VAV3: variants seen among roughly 807,000 people sequenced by gnomAD.
VAV3 encodes the protein vav guanine nucleotide exchange factor 3.
In VAV3, 94 loss-of-function variants were observed where a neutral mutation model predicts 131.2. The observed-to-expected ratio is 0.72, with a 90% CI of 0.61 to 0.85. The LOEUF (loss-of-function observed/expected upper bound fraction) is 0.85. VAV3 is among the 40% of genes least tolerant of loss of function. The pLI, the probability that VAV3 is intolerant of heterozygous loss-of-function variation, is 0.00. For missense variants in VAV3, 939 were observed against 1,002.7 expected, an observed-to-expected ratio of 0.94 and a Z score of 0.86; for synonymous variants, 349 against 342.0, an observed-to-expected ratio of 1.02 and a Z score of -0.22.
At chr1:107,765,276 G>A in intron 8 of VAV3, 101 bp from the exon 9 acceptor site, 1 of 861,290 alleles carries the variant, frequency 1.2e-6, no homozygotes. Flanking sequence ...CATTGTTAGG[G>A]ATAACCAAAA....
At chr1:107,846,168 T>C (rs1429137288) in intron 2 of VAV3, among the ~76,000 whole-genome samples, 1 of 152,182 alleles carries the variant, frequency 6.6e-6, no homozygotes, top group Non-Finnish European at 1.5e-5. Context: ...GAAAAGAATT[T>C]TCAACCAGAA....
In VAV3 at chr1:107,777,287, T is replaced by G; in HGVS notation, c.390A>C (p.Pro130=). The change falls in exon 4 of 27, where the codon CCA becomes CCC. Residue 130 remains proline (P), a synonymous_variant. Coordinates refer to ENST00000370056, the MANE Select transcript of VAV3 (RefSeq NM_006113.5). ...IALATGIRPF[P]TEESINDEDI... is the part of the protein sequence containing the mutation. Reference sequence around the variant, plus strand: ...CTTCATCATTAATGCTTTCTTCTGTTGGGAAGGGCCTAGGAAGAGGAGAAA... The same window carrying G: ...CTTCATCATTAATGCTTTCTTCTGTGGGGAAGGGCCTAGGAAGAGGAGAAA... The G allele has an allele frequency of 6.2e-7, 1 of 1,613,948 alleles. No homozygotes were observed. Among genetic ancestry groups the G allele is most frequent in the Non-Finnish European group, 8.5e-7 (1 of 1,179,970 alleles).
intron 2 of VAV3, among the ~76,000 whole-genome samples, chr1:107,843,228 C>T (rs894525135): frequency 6.6e-6 from 1 of 151,930 alleles, no homozygotes; most frequent in Non-Finnish European, 1.5e-5. Context: ...GACTCTTAAA[C>T]ACACATCCTG....
intron 1 of VAV3, among the ~76,000 whole-genome samples, chr1:107,949,739 C>T (rs1057290199): frequency 1.3e-5 from 2 of 152,216 alleles, no homozygotes. Context: ...TACATGTACA[C>T]ACACAGTTCT....
At chr1:107,804,353 C>T (rs1666962818) in intron 2 of VAV3, among the ~76,000 whole-genome samples, 1 of 152,026 alleles carries the variant, frequency 6.6e-6, no homozygotes, top group Admixed American at 6.6e-5. Context: ...TAAGTGACTT[C>T]CTCTGGTAAC....
chr1:107,932,235 T>A (rs927139828), intron 1 of VAV3, among the ~76,000 whole-genome samples: 1 of 152,164 alleles, frequency 6.6e-6, no homozygotes, highest in African/African-American at 2.4e-5. Flanking sequence ...GCCACACAAG[T>A]TCAAGAGCGG....
chr1:107,891,380 T>C (rs1420768224), intron 1 of VAV3, among the ~76,000 whole-genome samples: 1 of 152,114 alleles, frequency 6.6e-6, no homozygotes, highest in African/African-American at 2.4e-5. Flanking sequence ...TTTTGGTCAT[T>C]ATTATATGCC....
intron 25 of VAV3, among the ~76,000 whole-genome samples, chr1:107,595,410 C>T (rs1360149525): frequency 7.7e-6 from 1 of 130,074 alleles, no homozygotes; most frequent in Non-Finnish European, 1.8e-5. Flanking sequence ...TTTCAAATAC[C>T]TCTAGATATC....
chr1:107,669,364 C>A, intron 19 of VAV3: 1 of 1,289,784 alleles, frequency 7.8e-7, no homozygotes. Flanking sequence ...AACCTCAAGG[C>A]TGCATTTTCA....
intron 15 of VAV3, among the ~76,000 whole-genome samples, chr1:107,734,611 G>C (rs1317571106): frequency 6.6e-6 from 1 of 152,176 alleles, no homozygotes; most frequent in East Asian, 1.9e-4. Context: ...AGGAGACAAA[G>C]AAGGCCATTA....
chr1:107,792,979 T>G (rs1666366582), intron 2 of VAV3, among the ~76,000 whole-genome samples: 1 of 152,154 alleles, frequency 6.6e-6, no homozygotes, highest in Non-Finnish European at 1.5e-5. Context: ...TTTATCAGTA[T>G]AAATATTTAT....
intron 1 of VAV3, among the ~76,000 whole-genome samples, chr1:107,906,719 T>C (rs1367726551): frequency 1.3e-5 from 2 of 151,782 alleles, no homozygotes; most frequent in Non-Finnish European, 2.9e-5. Context: ...AAAAATAAAA[T>C]AACAGATCAT....
intron 17 of VAV3, among the ~76,000 whole-genome samples, chr1:107,700,476 C>T (rs1054633532): frequency 1.3e-5 from 2 of 152,204 alleles, no homozygotes; most frequent in South Asian, 4.1e-4. Flanking sequence ...TTACAGACCC[C>T]AGTGTGTGTT....
At chr1:107,603,727 TAGAA>T (rs1216963174) in intron 22 of VAV3, among the ~76,000 whole-genome samples, 10 of 151,988 alleles carry the variant, frequency 6.6e-5, no homozygotes, top group Non-Finnish European at 1.2e-4. Flanking sequence ...TTTTTTTGCA[TAGAA>T]AGAACATTTC....
intron 17 of VAV3, among the ~76,000 whole-genome samples, chr1:107,695,752 C>T (rs1347879604): frequency 6.6e-6 from 1 of 151,900 alleles, no homozygotes; most frequent in Admixed American, 6.6e-5. Context: ...ATGGCATGGG[C>T]GCATGATGGG....
At chr1:107,610,079 C>T (rs1047236284) in intron 21 of VAV3, 114 bp from the exon 22 acceptor site, 1 of 827,906 alleles carries the variant, frequency 1.2e-6, no homozygotes, top group African/African-American at 1.7e-5. Flanking sequence ...TGGCACAGTC[C>T]TGGAACTATC....
chr1:107,923,198 A>C (rs1025646463), intron 1 of VAV3, among the ~76,000 whole-genome samples: 2 of 152,138 alleles, frequency 1.3e-5, no homozygotes, highest in East Asian at 3.9e-4. Context: ...AAATGGACTC[A>C]TATGGTATAT....
chr1:107,591,121 A>G (rs1650916852), intron 25 of VAV3, among the ~76,000 whole-genome samples: 1 of 152,066 alleles, frequency 6.6e-6, no homozygotes. Flanking sequence ...CAGGTTCCCT[A>G]TTGGCCACCA....
At chr1:107,674,485 A>G (rs1019098188) in intron 19 of VAV3, among the ~76,000 whole-genome samples, 2 of 152,226 alleles carry the variant, frequency 1.3e-5, no homozygotes, top group African/African-American at 4.8e-5. Context: ...TCTGAAAATC[A>G]GACCAGATCC....
Sources: allele counts gnomAD v4.1 joint callset (sites outside exome capture counted in the v4.1 genomes callset), GRCh38; gene constraint gnomAD v4.1.1; transcripts MANE v1.5; gene names NCBI Gene and HGNC (gene_info 2026-07-23, HGNC 2026-07-21).